Variants in ADAMTS6 observed in about 807,000 individuals in gnomAD.
ADAMTS6 encodes A disintegrin and metalloproteinase with thrombospondin motifs 6.
In ADAMTS6, 23 loss-of-function variants were observed where a neutral mutation model predicts 144.3. The observed-to-expected ratio is 0.16, with a 90% CI of 0.11 to 0.23. The LOEUF (loss-of-function observed/expected upper bound fraction) is 0.23, where lower values mean the gene tolerates loss of function less well. Ranked by LOEUF, ADAMTS6 falls within the 10% of genes least tolerant of loss-of-function variation. The pLI is 1.00. For synonymous variants in ADAMTS6, 444 were observed against 457.5 expected, an observed-to-expected ratio of 0.97 and a Z score of 0.38; for missense variants, 999 against 1,379.6, an observed-to-expected ratio of 0.72 and a Z score of 4.37.
intron 7 of ADAMTS6, among the ~76,000 whole-genome samples, chr5:65,432,833 C>T (rs540916046): frequency 1.3e-5 from 2 of 152,182 alleles, no homozygotes; most frequent in South Asian, 2.1e-4. Flanking sequence ...TTTCCTCAAA[C>T]CCAGTAAGCT....
chr5:65,343,398 C>T (rs186245654), intron 7 of ADAMTS6, among the ~76,000 whole-genome samples: 92 of 152,034 alleles, frequency 6.1e-4, no homozygotes, highest in African/African-American at 2.1e-3. Flanking sequence ...CACGTATATA[C>T]GGCCAATTGA....
intron 9 of ADAMTS6, among the ~76,000 whole-genome samples, chr5:65,314,479 T>A (rs1469124584): frequency 6.6e-6 from 1 of 152,112 alleles, no homozygotes; most frequent in Non-Finnish European, 1.5e-5. Context: ...GAAAAGTATT[T>A]GAAGTAATAA....
intron 11 of ADAMTS6, among the ~76,000 whole-genome samples, chr5:65,286,393 C>T (rs1413818571): frequency 6.6e-6 from 1 of 152,110 alleles, no homozygotes; most frequent in Non-Finnish European, 1.5e-5. Context: ...ATTTATGGTT[C>T]AGGATATATG....
At chr5:65,316,124 C>A (rs1580372209) in intron 9 of ADAMTS6, among the ~76,000 whole-genome samples, 1 of 152,246 alleles carries the variant, frequency 6.6e-6, no homozygotes. Flanking sequence ...GTTGCCCAGG[C>A]TGGTTTCGAA....
At chr5:65,228,300 C>T (rs186166305) in intron 15 of ADAMTS6, among the ~76,000 whole-genome samples, 52 of 152,192 alleles carry the variant, frequency 3.4e-4, no homozygotes, top group African/African-American at 1.0e-3. Flanking sequence ...AATTATGTAA[C>T]GTAATATTTG....
rs143326825 is a variant in ADAMTS6 at position 65,292,347 on chromosome 5, A to T, written c.1371-877T>A. ...AGAATTCCTATGCCAACATTTAAAA[A>T]TTTTTTCCAACATTCCTGTCCATTG... On this transcript the variant is annotated intron_variant, in intron 10 of 24. Coordinates refer to ENST00000381055, the MANE Select transcript of ADAMTS6 (RefSeq NM_197941.4). Among the ~76,000 whole-genome samples, 903 of 146,534 alleles carry T rather than the reference A, an allele frequency of 6.2e-3. 8 individuals are homozygous for T. The highest frequency in any genetic ancestry group is 0.022 in the African/African-American group (869 of 39,952).
chr5:65,313,112 G>A (rs1010163871), intron 9 of ADAMTS6, among the ~76,000 whole-genome samples: 5 of 141,424 alleles, frequency 3.5e-5, no homozygotes, highest in Admixed American at 7.4e-5. Context: ...TATTTCAGTA[G>A]TTTTATTATT....
chr5:65,175,866 T>C (rs566200551), intron 22 of ADAMTS6, among the ~76,000 whole-genome samples: 139 of 99,754 alleles, frequency 1.4e-3, no homozygotes, highest in African/African-American at 4.0e-3. Context: ...TCCCAGGTAA[T>C]TGAAGGAAAA....
intron 7 of ADAMTS6, among the ~76,000 whole-genome samples, chr5:65,414,521 T>G (rs1198054232): frequency 1.3e-5 from 2 of 152,088 alleles, no homozygotes; most frequent in Non-Finnish European, 2.9e-5. Context: ...TGCTAATATA[T>G]TTACATAAAC....
intron 12 of ADAMTS6, among the ~76,000 whole-genome samples, chr5:65,268,417 G>A (rs557000573): frequency 2.0e-5 from 3 of 152,030 alleles, no homozygotes; most frequent in African/African-American, 7.2e-5. Context: ...TTACTATTTC[G>A]TCAATTATGG....
intron 7 of ADAMTS6, among the ~76,000 whole-genome samples, chr5:65,395,671 A>G (rs143755674): frequency 3.9e-4 from 60 of 152,264 alleles, no homozygotes; most frequent in Middle Eastern, 3.4e-3. Flanking sequence ...CCTTTTAACA[A>G]CTTCCCATTA....
At chr5:65,302,303 T>C (rs1214625327) in intron 9 of ADAMTS6, among the ~76,000 whole-genome samples, 1 of 144,702 alleles carries the variant, frequency 6.9e-6, no homozygotes, top group Non-Finnish European at 1.5e-5. Context: ...ATATAATATA[T>C]AATTATTATA....
At chr5:65,412,827 C>T (rs6881219) in intron 7 of ADAMTS6, among the ~76,000 whole-genome samples, 4,297 of 151,996 alleles carry the variant, frequency 0.028, 209 homozygotes, top group African/African-American at 0.097. Flanking sequence ...TAATTGAAAA[C>T]CATAACTAAT....
At chr5:65,154,937 C>T (rs1752328438) in intron 24 of ADAMTS6, among the ~76,000 whole-genome samples, 1 of 152,100 alleles carries the variant, frequency 6.6e-6, no homozygotes, top group African/African-American at 2.4e-5. Context: ...ATGATGAGGG[C>T]AGGAGTGGGG....
intron 11 of ADAMTS6, among the ~76,000 whole-genome samples, chr5:65,274,761 T>C (rs1328679166): frequency 1.2e-4 from 18 of 152,136 alleles, no homozygotes; most frequent in Admixed American, 5.2e-4. Context: ...CTCAGCTCAC[T>C]GCAACCTCCA....
intron 11 of ADAMTS6, 103 bp downstream of exon 11, chr5:65,291,226 G>A: frequency 7.5e-7 from 1 of 1,341,550 alleles, no homozygotes; most frequent in Non-Finnish European, 1.0e-6. Flanking sequence ...TTAAATTAAA[G>A]ATATTACTAG....
At chr5:65,344,125 C>T (rs1373440312) in intron 7 of ADAMTS6, among the ~76,000 whole-genome samples, 1 of 151,928 alleles carries the variant, frequency 6.6e-6, no homozygotes, top group Admixed American at 6.6e-5. Context: ...TTTGCCCTGG[C>T]AAAACTGTCC....
At chr5:65,380,330 GGGA>G (rs1472516684) in intron 7 of ADAMTS6, among the ~76,000 whole-genome samples, 1 of 152,078 alleles carries the variant, frequency 6.6e-6, no homozygotes, top group East Asian at 1.9e-4. Flanking sequence ...CCAGCACTTT[GGGA>G]GGCCAAGGTA....
At chr5:65,272,831 G>A (rs1762156250) in intron 12 of ADAMTS6, among the ~76,000 whole-genome samples, 1 of 151,826 alleles carries the variant, frequency 6.6e-6, no homozygotes, top group Non-Finnish European at 1.5e-5. Context: ...TGAGGTGGGA[G>A]GATTGCTTGA....
Sources: allele counts gnomAD v4.1 joint callset (sites outside exome capture counted in the v4.1 genomes callset), GRCh38; gene constraint gnomAD v4.1.1; transcripts MANE v1.5; gene names NCBI Gene and HGNC (gene_info 2026-07-23, HGNC 2026-07-21).